Variants in ANKS1B observed in about 807,000 individuals in gnomAD.
ANKS1B encodes the protein ankyrin repeat and sterile alpha motif domain-containing protein 1B.
ANKS1B carries 36 observed loss-of-function variants against 148.3 expected under a neutral mutation model. The observed-to-expected ratio is 0.24, with a 90% CI of 0.19 to 0.32. The LOEUF is 0.32. Ranked by LOEUF, ANKS1B falls within the 10% of genes least tolerant of loss-of-function variation. The pLI is 1.00. For missense variants in ANKS1B, 1,157 were observed against 1,542.6 expected, an observed-to-expected ratio of 0.75 and a Z score of 4.19; for synonymous variants, 542 against 560.8, an observed-to-expected ratio of 0.97 and a Z score of 0.47.
chr12:99,331,854 G>A (rs1210271468), intron 12 of ANKS1B, among the ~76,000 whole-genome samples: 3 of 151,932 alleles, frequency 2.0e-5, no homozygotes, highest in Non-Finnish European at 2.9e-5. Context: ...CTTATGTAGA[G>A]AAAAATCACA....
chr12:99,694,096 A>T (rs1428938915), intron 8 of ANKS1B, among the ~76,000 whole-genome samples: 1 of 147,926 alleles, frequency 6.8e-6, no homozygotes, highest in African/African-American at 2.5e-5. Flanking sequence ...GGACATTTTT[A>T]TTCAAAGTTG....
intron 12 of ANKS1B, among the ~76,000 whole-genome samples, chr12:99,340,441 C>T (rs903890481): frequency 6.6e-6 from 1 of 152,172 alleles, no homozygotes; most frequent in African/African-American, 2.4e-5. Context: ...GAGATATGTT[C>T]TGAGAAATGC....
At position 99,300,692 on chromosome 12, in the gene ANKS1B, G is replaced by T. The variant is rs920466365; in HGVS notation, c.1757-53828C>A. Among the ~76,000 whole-genome samples, 7 of 152,132 alleles carry T rather than the reference G, an allele frequency of 4.6e-5. 1 individual carries two copies. Among genetic ancestry groups the T allele is most frequent in the Non-Finnish European group, 1.0e-4 (7 of 68,042 alleles). ...TGTTCAAAATGCAGTAGGGGTAAGA[G>T]GTGGATAAAATGCATATAACTTCAC... On this transcript the variant is annotated intron_variant, in intron 12 of 26. Transcript: ENST00000683438.
chr12:99,105,768 CAAAAAA>C (rs11349848), intron 15 of ANKS1B, among the ~76,000 whole-genome samples: 1 of 82,930 alleles, frequency 1.2e-5, no homozygotes. Context: ...GACTCTGTCT[CAAAAAA>C]AAAAAAAAAA....
intron 12 of ANKS1B, among the ~76,000 whole-genome samples, chr12:99,366,477 A>T (rs1372479274): frequency 6.6e-6 from 1 of 152,150 alleles, no homozygotes; most frequent in African/African-American, 2.4e-5. Context: ...TAATTAAAAC[A>T]GTGTGGTATT....
In ANKS1B at chr12:99,224,133, A is replaced by C. The variant is rs369448870; in HGVS notation, c.2419+20209T>G. Among the ~76,000 whole-genome samples the C allele has an allele frequency of 9.2e-5, 14 of 152,244 alleles. No individual in the cohort carries two copies. The East Asian group carries it at 1.4e-3, about 15-fold the overall frequency. On this transcript the variant is annotated intron_variant, in intron 14 of 26. Transcript: ENST00000683438. ...TTTTTAGGAACTTTCCATAGGGTGAATGATCCATGTTTGAATATAAAGTAA... is the reference window on the plus strand; with the variant it reads ...TTTTTAGGAACTTTCCATAGGGTGACTGATCCATGTTTGAATATAAAGTAA...
At chr12:99,920,486 C>CA (rs924396040) in intron 1 of ANKS1B, among the ~76,000 whole-genome samples, 337 of 133,444 alleles carry the variant, frequency 2.5e-3, no homozygotes, top group Admixed American at 5.3e-3. Context: ...CTCCAGAGGA[C>CA]AAAAAAAAAA....
chr12:99,515,876 C>G (rs1338301400), intron 9 of ANKS1B, among the ~76,000 whole-genome samples: 1 of 152,090 alleles, frequency 6.6e-6, no homozygotes, highest in African/African-American at 2.4e-5. Context: ...GAAATGATAT[C>G]TCATTGTAGT....
chr12:99,368,509 A>G (rs80022022), intron 12 of ANKS1B, among the ~76,000 whole-genome samples: 130 of 152,246 alleles, frequency 8.5e-4, no homozygotes, highest in African/African-American at 3.0e-3. Context: ...TTTTCATTAT[A>G]AAAGAAAAGA....
chr12:99,710,591 C>T (rs369892627), intron 8 of ANKS1B, among the ~76,000 whole-genome samples: 3 of 147,268 alleles, frequency 2.0e-5, no homozygotes, highest in Admixed American at 1.4e-4. Context: ...CTTTATAATA[C>T]CTTCAGTAGC....
At chr12:98,928,129 A>G (rs2099810400) in intron 17 of ANKS1B, among the ~76,000 whole-genome samples, 1 of 151,734 alleles carries the variant, frequency 6.6e-6, no homozygotes, top group Admixed American at 6.6e-5. Context: ...CAGAAATAAA[A>G]CAAAAGATTA....
chr12:98,773,702 C>T (rs945822979), intron 24 of ANKS1B, among the ~76,000 whole-genome samples: 1 of 152,172 alleles, frequency 6.6e-6, no homozygotes, highest in African/African-American at 2.4e-5. Flanking sequence ...GTGATCTGCC[C>T]ACCTCGGCCT....
chr12:99,251,762 A>G (rs1438351097), intron 12 of ANKS1B, among the ~76,000 whole-genome samples: 1 of 152,222 alleles, frequency 6.6e-6, no homozygotes, highest in Non-Finnish European at 1.5e-5. Flanking sequence ...TCTATTATAG[A>G]GTATAACTTT....
At chr12:98,825,016 C>T (rs79251172) in intron 19 of ANKS1B, among the ~76,000 whole-genome samples, 2,652 of 152,122 alleles carry the variant, frequency 0.017, 76 homozygotes, top group African/African-American at 0.06. Flanking sequence ...CATTTTAATA[C>T]AGAGGCAGGC....
At chr12:98,837,158 C>T (rs2099370994) in intron 17 of ANKS1B, among the ~76,000 whole-genome samples, 1 of 139,192 alleles carries the variant, frequency 7.2e-6, no homozygotes, top group Non-Finnish European at 1.6e-5. Context: ...AGTGAAACCC[C>T]GTCTCTATTA....
intron 12 of ANKS1B, among the ~76,000 whole-genome samples, chr12:99,353,240 G>C (rs1764071461): frequency 1.3e-5 from 2 of 152,034 alleles, no homozygotes; most frequent in Non-Finnish European, 2.9e-5. Flanking sequence ...GCTCTTGGAT[G>C]AATCTCTTAT....
At chr12:99,779,582 C>T (rs2064036974) in intron 6 of ANKS1B, among the ~76,000 whole-genome samples, 1 of 152,004 alleles carries the variant, frequency 6.6e-6, no homozygotes, top group Non-Finnish European at 1.5e-5. Flanking sequence ...TATTAACTTC[C>T]AGCTCATAAC....
intron 15 of ANKS1B, among the ~76,000 whole-genome samples, chr12:99,127,395 T>C (rs2064724298): frequency 6.6e-6 from 1 of 152,056 alleles, no homozygotes; most frequent in African/African-American, 2.4e-5. Flanking sequence ...ATGGTAACAA[T>C]GATCTAAATA....
chr12:99,200,669 C>G (rs544789895), intron 14 of ANKS1B, among the ~76,000 whole-genome samples: 2 of 152,166 alleles, frequency 1.3e-5, no homozygotes, highest in African/African-American at 4.8e-5. Flanking sequence ...GTAGCCAAAA[C>G]CTGGTGTTAT....
Sources: allele counts gnomAD v4.1 joint callset (sites outside exome capture counted in the v4.1 genomes callset), GRCh38; gene constraint gnomAD v4.1.1; transcripts MANE v1.5; gene names NCBI Gene and HGNC (gene_info 2026-07-23, HGNC 2026-07-21).